The following RIMS2 variants were observed in gnomAD, a reference collection of about 807,000 sequenced individuals.
RIMS2 encodes regulating synaptic membrane exocytosis 2.
In RIMS2, 59 loss-of-function variants were observed where a neutral mutation model predicts 174.4. The ratio of observed to expected loss-of-function variants is 0.34; its 90% confidence interval spans 0.27 to 0.42. The LOEUF (loss-of-function observed/expected upper bound fraction) is 0.42. Among genes scored for constraint, RIMS2 ranks in the 10% least tolerant of loss-of-function variants. RIMS2 has a pLI of 1.00. For missense variants in RIMS2, 1,620 were observed against 1,666.3 expected, an observed-to-expected ratio of 0.97 and a Z score of 0.48; for synonymous variants, 606 against 572.5, an observed-to-expected ratio of 1.06 and a Z score of -0.84.
exon 16 of RIMS2, chr8:103,975,353 A>G: frequency 6.2e-7 from 1 of 1,608,974 alleles, no homozygotes; most frequent in Non-Finnish European, 8.5e-7. Flanking sequence ...CCTTTAGATT[A>G]TCGACATGAT....
At chr8:103,948,119 G>T (rs894344664) in intron 14 of RIMS2, among the ~76,000 whole-genome samples, 2 of 152,138 alleles carry the variant, frequency 1.3e-5, no homozygotes, top group African/African-American at 4.8e-5. Context: ...TTAGTGAAAT[G>T]CAAGTTATGC....
At chr8:103,661,820 G>T (rs919886467) in intron 1 of RIMS2, among the ~76,000 whole-genome samples, 1 of 152,108 alleles carries the variant, frequency 6.6e-6, no homozygotes, top group African/African-American at 2.4e-5. Flanking sequence ...GCTGTTTTTT[G>T]AGCATGCCTT....
At chr8:103,501,033 A>G (rs1472319833) in exon 1 of RIMS2, 8 of 1,609,458 alleles carry the variant, frequency 5.0e-6, no homozygotes, top group Non-Finnish European at 6.8e-6. Flanking sequence ...GGCAGAAGAA[A>G]GAAGAGGAGA....
At chr8:103,949,144 A>AAAAAAAAAAAAAAGGG (rs1555024083) in intron 14 of RIMS2, among the ~76,000 whole-genome samples, 1 of 138,414 alleles carries the variant, frequency 7.2e-6, no homozygotes, top group African/African-American at 2.7e-5. Context: ...AAAAAAAAAA[A>AAAAAAAAAAAAAAGGG]AAAGGGAAAG....
intron 3 of RIMS2, among the ~76,000 whole-genome samples, chr8:103,816,988 A>C (rs35585808): frequency 0.24 from 37,235 of 152,162 alleles, 4,918 homozygotes; most frequent in Non-Finnish European, 0.27. Context: ...GATTATTTAT[A>C]AAAATTAAAT....
chr8:103,859,766 G>A (rs993808056), intron 3 of RIMS2, among the ~76,000 whole-genome samples: 1 of 151,966 alleles, frequency 6.6e-6, no homozygotes, highest in Non-Finnish European at 1.5e-5. Context: ...GACTCTCCAG[G>A]GTAATTACTT....
intron 1 of RIMS2, among the ~76,000 whole-genome samples, chr8:103,546,740 T>G (rs1845301605): frequency 6.6e-6 from 1 of 152,120 alleles, no homozygotes; most frequent in African/African-American, 2.4e-5. Context: ...CTCAAAACCA[T>G]TCAGCCATGG....
chr8:104,109,715 CAGAAT>C (rs2098142993), intron 19 of RIMS2, among the ~76,000 whole-genome samples: 2 of 152,072 alleles, frequency 1.3e-5, no homozygotes, highest in Admixed American at 6.6e-5. Context: ...CATGACAATT[CAGAAT>C]AGGATAGATC....
intron 19 of RIMS2, among the ~76,000 whole-genome samples, chr8:104,129,346 C>G (rs551263147): frequency 6.6e-6 from 1 of 152,300 alleles, no homozygotes; most frequent in South Asian, 2.1e-4. Flanking sequence ...AGTAATACAA[C>G]TACACTCCGG....
At chr8:104,216,239 C>A (rs183880233) in intron 19 of RIMS2, among the ~76,000 whole-genome samples, 1 of 152,284 alleles carries the variant, frequency 6.6e-6, no homozygotes, top group Admixed American at 6.5e-5. Context: ...GAAAACAGAA[C>A]TAATCATGTT....
chr8:103,636,616 G>A (rs1325773328), intron 1 of RIMS2, among the ~76,000 whole-genome samples: 2 of 152,052 alleles, frequency 1.3e-5, no homozygotes, highest in African/African-American at 4.8e-5. Context: ...CATTCTCTTT[G>A]GGTCAGGTTG....
intron 4 of RIMS2, among the ~76,000 whole-genome samples, chr8:103,897,052 A>T (rs778740412): frequency 2.0e-4 from 31 of 151,718 alleles, no homozygotes; most frequent in Non-Finnish European, 4.3e-4. Context: ...TTAAAGCATG[A>T]TACATACATC....
intron 19 of RIMS2, among the ~76,000 whole-genome samples, chr8:104,162,448 TGA>T (rs976846149): frequency 1.3e-5 from 2 of 152,186 alleles, no homozygotes; most frequent in Non-Finnish European, 2.9e-5. Context: ...TTTCACAACT[TGA>T]GATGTAAATA....
intron 1 of RIMS2, among the ~76,000 whole-genome samples, chr8:103,557,034 GAGTT>G (rs2090618303): frequency 6.6e-6 from 1 of 152,166 alleles, no homozygotes; most frequent in Non-Finnish European, 1.5e-5. Flanking sequence ...TCGATAAATA[GAGTT>G]AGGATCAGTG....
chr8:103,838,793 C>T (rs567596811), intron 3 of RIMS2, among the ~76,000 whole-genome samples: 2 of 152,308 alleles, frequency 1.3e-5, no homozygotes, highest in South Asian at 2.1e-4. Context: ...TGGCCGGACT[C>T]GGTGGCTCAC....
chr8:103,936,743 G>A (rs1028437816), intron 13 of RIMS2, 21 bp downstream of exon 15: 2 of 1,560,810 alleles, frequency 1.3e-6, no homozygotes, highest in East Asian at 4.6e-5. Flanking sequence ...TTGTTTTAAA[G>A]TTTATGCTAT....
intron 4 of RIMS2, among the ~76,000 whole-genome samples, chr8:103,909,722 C>T (rs1003638033): frequency 6.6e-6 from 1 of 151,786 alleles, no homozygotes; most frequent in African/African-American, 2.4e-5. Context: ...TTAAATGTCC[C>T]TTAATCTTTG....
At chr8:104,190,905 G>T (rs1240444236) in intron 19 of RIMS2, among the ~76,000 whole-genome samples, 1 of 150,840 alleles carries the variant, frequency 6.6e-6, no homozygotes, top group African/African-American at 2.4e-5. Flanking sequence ...AGCATTTGAA[G>T]AATGACAAAT....
chr8:103,786,250 T>C (rs1254105835), intron 3 of RIMS2, among the ~76,000 whole-genome samples: 1 of 152,140 alleles, frequency 6.6e-6, no homozygotes, highest in Non-Finnish European at 1.5e-5. Context: ...TTTTGAAGGG[T>C]TTTTTGTGTC....
Sources: gnomAD v4.1 joint callset for allele counts (sites outside exome capture counted in the v4.1 genomes callset) on GRCh38, gnomAD v4.1.1 for gene constraint, MANE v1.5 for transcripts, NCBI Gene and HGNC (gene_info 2026-07-23, HGNC 2026-07-21) for gene names.